ZNF532: variants seen among roughly 807,000 people sequenced by gnomAD.
ZNF532 encodes the protein zinc finger protein 532.
ZNF532 carries 22 observed loss-of-function variants against 89.3 expected under a neutral mutation model. The observed-to-expected ratio is 0.25, with a 90% confidence interval of 0.18 to 0.35. The LOEUF is 0.35. ZNF532 is among the 10% of genes least tolerant of loss of function. The probability of loss-of-function intolerance (pLI) is 1.00; values close to 1 mark genes in which losing one functional copy is unlikely to be tolerated. For missense variants in ZNF532, 1,132 were observed against 1,643.4 expected (o/e 0.69, Z 5.38); for synonymous variants, 606 against 649.6 (o/e 0.93, Z 1.02).
At chr18:58,888,345 T>C (rs1235031218) in intron 2 of ZNF532, among the ~76,000 whole-genome samples, 2 of 152,140 alleles carry the variant, frequency 1.3e-5, no homozygotes, top group Non-Finnish European at 2.9e-5. Flanking sequence ...TTTATAAATA[T>C]AAAATCAGAT....
chr18:58,880,762 A>G (rs200205999), intron 2 of ZNF532, among the ~76,000 whole-genome samples: 25,494 of 93,252 alleles, frequency 0.27, 3,793 homozygotes, highest in East Asian at 0.58. Flanking sequence ...GCGCGCGCGC[A>G]CGCGCGCGCG....
intron 3 of ZNF532, among the ~76,000 whole-genome samples, chr18:58,925,081 G>A (rs902615506): frequency 6.6e-6 from 1 of 152,142 alleles, no homozygotes; most frequent in Non-Finnish European, 1.5e-5. Flanking sequence ...TATTAACATT[G>A]TGTATAGGTT....
At chr18:58,911,803 C>T (rs2060300733) in intron 2 of ZNF532, among the ~76,000 whole-genome samples, 1 of 152,228 alleles carries the variant, frequency 6.6e-6, no homozygotes, top group Non-Finnish European at 1.5e-5. Context: ...CAGGCACGCC[C>T]TCAATTTCCC....
intron 2 of ZNF532, among the ~76,000 whole-genome samples, chr18:58,910,050 A>G (rs1397309646): frequency 6.6e-6 from 1 of 151,932 alleles, no homozygotes; most frequent in Non-Finnish European, 1.5e-5. Flanking sequence ...CAGCCTAGAC[A>G]ACATAGCAAG....
chr18:58,964,532 T>G (rs1213893996), intron 7 of ZNF532, among the ~76,000 whole-genome samples: 1 of 130,022 alleles, frequency 7.7e-6, no homozygotes, highest in Non-Finnish European at 1.6e-5. Flanking sequence ...ATTGATATTT[T>G]GTTTGTGTGT....
At chr18:58,969,491 G>GC (rs2066252343) in intron 7 of ZNF532, among the ~76,000 whole-genome samples, 1 of 152,166 alleles carries the variant, frequency 6.6e-6, no homozygotes, top group African/African-American at 2.4e-5. Flanking sequence ...TGGGTACACA[G>GC]CACCTTCCTG....
Position 58,984,191 on chromosome 18 carries a change from T to A in ZNF532, c.3631T>A (p.Cys1211Ser), listed in dbSNP as rs1183066271. ...CTACCAGTGCCGGGAGTGTGGCCTC[T>A]GCTACACGTCTCACGTCTCTCTGTC... ...SSYQCRECGL[C>S]YTSHVSLSRH... is the part of the protein sequence containing the mutation. Residue 1211 changes from cysteine to serine, a missense_variant, in exon 10 of 10, where the codon TGC (cysteine) becomes AGC (serine). Around this residue, in one of 9 missense-constraint regions of ZNF532, gnomAD observed 415 missense variants for 604.8 expected, o/e 0.69. Coordinates refer to ENST00000591808, the MANE Select transcript of ZNF532 (RefSeq NM_001375912.1). The A allele has an allele frequency of 6.2e-7, 1 of 1,611,956 alleles. No homozygotes were observed. Among genetic ancestry groups the A allele is most frequent in the Non-Finnish European group, 8.5e-7 (1 of 1,179,848 alleles).
rs1318588548 is a variant in ZNF532, at chr18:58,968,468, A to G, written c.3151-10587A>G. On this transcript the variant is annotated intron_variant, in intron 7 of 9. Coordinates refer to ENST00000591808, the MANE Select transcript of ZNF532 (RefSeq NM_001375912.1). ...GGAGATTGGGTTCTGCTGTCTCATC[A>G]TGGTGCTCCCATACCTGGAAGCTTA... is the stretch of plus-strand genomic sequence containing the variant. 2.0e-5 allele frequency among the ~76,000 whole-genome samples: 3 copies of G among 152,000 alleles called. No individual in the cohort carries two copies. The South Asian group carries it at 6.2e-4, about 32-fold the overall frequency.
chr18:58,975,626 G>A (rs978474979), intron 7 of ZNF532, among the ~76,000 whole-genome samples: 3 of 152,178 alleles, frequency 2.0e-5, no homozygotes, highest in South Asian at 2.1e-4. Flanking sequence ...AAAAGGAGGC[G>A]GGATTAATGC....
chr18:58,916,914 TG>T (rs1438807956), intron 2 of ZNF532, among the ~76,000 whole-genome samples: 2 of 152,108 alleles, frequency 1.3e-5, no homozygotes, highest in African/African-American at 2.4e-5. Context: ...CAGTAAGATG[TG>T]GAAGGAGGCA....
chr18:58,922,759 AG>A (rs1297779536), intron 3 of ZNF532, among the ~76,000 whole-genome samples: 7 of 152,058 alleles, frequency 4.6e-5, no homozygotes, highest in African/African-American at 1.4e-4. Context: ...CTGGCTTAGG[AG>A]GGTTCTCACT....
intron 2 of ZNF532, among the ~76,000 whole-genome samples, chr18:58,904,282 G>T (rs1487227759): frequency 2.6e-5 from 4 of 151,880 alleles, no homozygotes; most frequent in Admixed American, 2.6e-4. Context: ...AGCCTGGGAG[G>T]GGGAGGCTGC....
intron 2 of ZNF532, among the ~76,000 whole-genome samples, chr18:58,907,904 G>T (rs150070024): frequency 6.6e-6 from 1 of 152,154 alleles, no homozygotes; most frequent in African/African-American, 2.4e-5. Context: ...GCTGAAAGCC[G>T]CAGTCTGACT....
intron 8 of ZNF532, chr18:58,981,223 A>T: frequency 4.2e-6 from 2 of 480,866 alleles, no homozygotes; most frequent in Middle Eastern, 6.0e-4. Context: ...CTGAGAGAAT[A>T]CTGAGTCATT....
At chr18:58,981,088 G>T in intron 8 of ZNF532, 1 of 213,298 alleles carries the variant, frequency 4.7e-6, no homozygotes, top group Non-Finnish European at 9.4e-6. Flanking sequence ...TGCTGCTTTT[G>T]TGCCTGGAAG....
chr18:58,902,750 C>T (rs1315149750), intron 2 of ZNF532, among the ~76,000 whole-genome samples: 2 of 152,052 alleles, frequency 1.3e-5, no homozygotes, highest in Non-Finnish European at 2.9e-5. Context: ...CCTCGGCTTC[C>T]CAAAGTGCTG....
At chr18:58,881,171 G>A (rs1219287740) in intron 2 of ZNF532, among the ~76,000 whole-genome samples, 3 of 151,050 alleles carry the variant, frequency 2.0e-5, no homozygotes, top group African/African-American at 7.3e-5. Flanking sequence ...GCGTGATCTC[G>A]GTTCACTGCA....
At position 58,914,216 on chromosome 18, in the gene ZNF532, C is replaced by T. The variant is rs79412332; in HGVS notation, c.-17-4055C>T. ...GGAAATGTTTTGTCTCTGTGTCATA[C>T]GAGAAAATAAAGTGATCATGTGACA... On this transcript the variant is annotated intron_variant, in intron 2 of 9. Coordinates refer to ENST00000591808, the MANE Select transcript of ZNF532 (RefSeq NM_001375912.1). Among the ~76,000 whole-genome samples, 1,128 of 152,228 alleles carry T rather than the reference C, an allele frequency of 7.4e-3. 12 individuals are homozygous for T. Among genetic ancestry groups the T allele is most frequent in the African/African-American group, 0.024 (1,000 of 41,536 alleles).
intron 5 of ZNF532, among the ~76,000 whole-genome samples, chr18:58,947,606 C>T (rs188613355): frequency 5.8e-4 from 88 of 152,110 alleles, no homozygotes; most frequent in South Asian, 5.0e-3. Flanking sequence ...TGTAAAATTG[C>T]TACTGACTCT....
Sources: allele counts gnomAD v4.1 joint callset (sites outside exome capture counted in the v4.1 genomes callset), GRCh38; gene constraint gnomAD v4.1.1; regional missense constraint gnomAD v4.1.1; transcripts MANE v1.5; gene names NCBI Gene and HGNC (gene_info 2026-07-23, HGNC 2026-07-21).